TPRG1: variants seen among roughly 807,000 people sequenced by gnomAD.
TPRG1 encodes tumor protein p63-regulated gene 1 protein.
Under a neutral mutation model 29.3 loss-of-function variants are expected in TPRG1, and 29 were observed. That is an observed-to-expected ratio of 0.99 (90% confidence interval 0.74 to 1.35). The LOEUF (loss-of-function observed/expected upper bound fraction) is 1.35, where lower values mean the gene tolerates loss of function less well. TPRG1 is among the 40% of genes most tolerant of loss of function. TPRG1 has a pLI of 0.00. For missense variants in TPRG1, 327 were observed against 335.0 expected (o/e 0.98, Z 0.19); for synonymous variants, 130 against 116.8 (o/e 1.11, Z -0.73).
At chr3:189,075,623 T>C (rs563369194) in intron 4 of TPRG1, among the ~76,000 whole-genome samples, 1 of 152,258 alleles carries the variant, frequency 6.6e-6, no homozygotes, top group African/African-American at 2.4e-5. Flanking sequence ...CAGTTCTGAG[T>C]CTGATTTTAT....
At chr3:189,110,713 C>T (rs940850257) in intron 1 of TPRG1, among the ~76,000 whole-genome samples, 7 of 151,818 alleles carry the variant, frequency 4.6e-5, no homozygotes, top group Admixed American at 2.6e-4. Flanking sequence ...GGTTTGTGAT[C>T]CAATTTCAGT....
chr3:189,051,490 G>T (rs1474696915), intron 4 of TPRG1, among the ~76,000 whole-genome samples: 3 of 152,064 alleles, frequency 2.0e-5, no homozygotes, highest in Non-Finnish European at 4.4e-5. Context: ...TGGATGGGTA[G>T]AATCAATATT....
At chr3:189,040,447 C>T (rs1714556172) in intron 4 of TPRG1, among the ~76,000 whole-genome samples, 1 of 151,962 alleles carries the variant, frequency 6.6e-6, no homozygotes, top group South Asian at 2.1e-4. Flanking sequence ...GGTGGTATTC[C>T]CCATGGATGG....
At chr3:189,019,110 A>G (rs575257962) in intron 3 of TPRG1, among the ~76,000 whole-genome samples, 3,490 of 151,536 alleles carry the variant, frequency 0.023, 137 homozygotes, top group African/African-American at 0.08. Context: ...GAAGTTGCTT[A>G]TCAGCTTAAG....
chr3:189,074,965 C>T (rs1371859725), intron 4 of TPRG1, among the ~76,000 whole-genome samples: 1 of 151,920 alleles, frequency 6.6e-6, no homozygotes, highest in Non-Finnish European at 1.5e-5. Context: ...GCGCCCGCCA[C>T]CACGCCCGGC....
In TPRG1 at chr3:189,310,493, A is replaced by G. The variant is rs372282772; in HGVS notation, c.587A>G (p.Glu196Gly). 25 of 1,612,386 alleles carry G rather than the reference A, an allele frequency of 1.6e-5. No homozygotes were observed. The highest frequency in any genetic ancestry group is 2.1e-5 in the Non-Finnish European group (25 of 1,179,508). Residue 196 changes from glutamate (E) to glycine (G), a missense_variant, in exon 5 of 6, where the codon GAG becomes GGG. Coordinates refer to ENST00000345063, the MANE Select transcript of TPRG1 (RefSeq NM_198485.4). ...STEVPYATFT[E>G]HPMKYTSEKF... ...GAAGTTCCTTATGCTACTTTCACTG[A>G]GCATCCTATGAAATACACCAGTGAG...
At chr3:189,204,730 C>G (rs780384248) in intron 1 of TPRG1, among the ~76,000 whole-genome samples, 1 of 152,148 alleles carries the variant, frequency 6.6e-6, no homozygotes, top group South Asian at 2.1e-4. Flanking sequence ...TCACAGAGTG[C>G]GCAAATACAG....
intron 4 of TPRG1, among the ~76,000 whole-genome samples, chr3:189,087,568 TTAAG>T (rs1339802029): frequency 6.6e-6 from 1 of 152,238 alleles, no homozygotes; most frequent in Non-Finnish European, 1.5e-5. Flanking sequence ...GTTTTAGACA[TTAAG>T]TACTTGCCCA....
At chr3:189,242,801 G>T (rs1212444945) in intron 4 of TPRG1, among the ~76,000 whole-genome samples, 1 of 151,780 alleles carries the variant, frequency 6.6e-6, no homozygotes, top group Non-Finnish European at 1.5e-5. Context: ...TATAAATATT[G>T]TGTTTATCAT....
intron 4 of TPRG1, among the ~76,000 whole-genome samples, chr3:189,056,021 T>TTCCC (rs1371645255): frequency 0.034 from 3,425 of 99,960 alleles, 318 homozygotes; most frequent in South Asian, 0.068. Context: ...CCTCCCTCCC[T>TTCCC]TCCCTCCCTC....
chr3:189,201,364 C>T (rs890705857), intron 1 of TPRG1, among the ~76,000 whole-genome samples: 5 of 152,068 alleles, frequency 3.3e-5, no homozygotes, highest in Admixed American at 2.6e-4. Flanking sequence ...TTAAAAATCC[C>T]GTGTGACTTC....
intron 4 of TPRG1, among the ~76,000 whole-genome samples, chr3:189,243,631 C>A (rs532446284): frequency 6.6e-6 from 1 of 152,100 alleles, no homozygotes; most frequent in African/African-American, 2.4e-5. Flanking sequence ...AACTTTAAGT[C>A]ATTTCTTTGC....
intron 4 of TPRG1, among the ~76,000 whole-genome samples, chr3:189,056,482 G>A (rs751029201): frequency 6.6e-6 from 1 of 152,092 alleles, no homozygotes; most frequent in East Asian, 1.9e-4. Context: ...CAATAAATAG[G>A]CCTCAATAAA....
At chr3:189,194,815 G>T (rs1231348261) in intron 1 of TPRG1, among the ~76,000 whole-genome samples, 2 of 152,152 alleles carry the variant, frequency 1.3e-5, no homozygotes, top group Non-Finnish European at 2.9e-5. Flanking sequence ...GCCAGGTGCA[G>T]TGGCAACAGT....
intron 1 of TPRG1, among the ~76,000 whole-genome samples, chr3:189,125,626 A>G (rs1722363607): frequency 6.6e-6 from 1 of 152,106 alleles, no homozygotes; most frequent in African/African-American, 2.4e-5. Context: ...CTCTATTCAT[A>G]TGTCTTCTTA....
intron 1 of TPRG1, among the ~76,000 whole-genome samples, chr3:189,189,149 A>G (rs1217750385): frequency 6.6e-6 from 1 of 152,156 alleles, no homozygotes; most frequent in African/African-American, 2.4e-5. Flanking sequence ...TAATTTTAAG[A>G]CAACCTATAA....
intron 4 of TPRG1, among the ~76,000 whole-genome samples, chr3:189,273,901 C>T (rs770636118): frequency 1.3e-5 from 2 of 152,130 alleles, no homozygotes; most frequent in Non-Finnish European, 2.9e-5. Flanking sequence ...TACACAGGCA[C>T]ATTGGAAGTT....
chr3:189,003,906 G>A, intron 2 of TPRG1, among the ~76,000 whole-genome samples: 1 of 151,986 alleles, frequency 6.6e-6, no homozygotes, highest in Non-Finnish European at 1.5e-5. Flanking sequence ...CCTTCTCTTG[G>A]GGGTAGTGGG....
At chr3:189,047,308 A>G (rs1038572394) in intron 4 of TPRG1, among the ~76,000 whole-genome samples, 3 of 152,234 alleles carry the variant, frequency 2.0e-5, no homozygotes, top group African/African-American at 2.4e-5. Context: ...TTTCTACAGT[A>G]TACTATAGTC....
Sources: allele counts gnomAD v4.1 joint callset (sites outside exome capture counted in the v4.1 genomes callset), GRCh38; gene constraint gnomAD v4.1.1; transcripts MANE v1.5; gene names NCBI Gene and HGNC (gene_info 2026-07-23, HGNC 2026-07-21).